Variants in WHRN observed in about 807,000 individuals in gnomAD.
WHRN encodes CASK-interacting protein CIP98.
A neutral mutation model predicts 68.3 loss-of-function variants in WHRN; 41 were observed. That is an observed-to-expected ratio of 0.60 (90% CI 0.47 to 0.78). WHRN has a LOEUF of 0.78. Ranked by LOEUF, WHRN falls within the 30% of genes least tolerant of loss-of-function variation. WHRN has a pLI of 0.00. For missense variants in WHRN, 1,243 were observed against 1,244.7 expected, an observed-to-expected ratio of 1.00 and a Z score of 0.02; for synonymous variants, 560 against 561.3, an observed-to-expected ratio of 1.00 and a Z score of 0.03.
chr9:114,447,941 C>T (rs1838979424), intron 3 of WHRN, among the ~76,000 whole-genome samples: 1 of 152,170 alleles, frequency 6.6e-6, no homozygotes, highest in East Asian at 1.9e-4. Context: ...CTCTCAGGCT[C>T]CATCCCAAAT....
intron 3 of WHRN, among the ~76,000 whole-genome samples, chr9:114,465,299 C>T (rs371290046): frequency 6.6e-6 from 1 of 152,168 alleles, no homozygotes; most frequent in East Asian, 1.9e-4. Context: ...CAAGGAAGGC[C>T]CTTTGTTACA....
rs118187035 is a variant in WHRN, at chr9:114,440,585, A to G, written c.964-14172T>C. Among the ~76,000 whole-genome samples, 321 of 152,356 alleles carry G rather than the reference A, an allele frequency of 2.1e-3. 9 individuals are homozygous for G. In the South Asian group the frequency reaches 0.034, roughly 16 times the overall value. On this transcript the variant is annotated intron_variant, in intron 3 of 11. Coordinates refer to ENST00000362057, the MANE Select transcript of WHRN (RefSeq NM_015404.4). ...AAAACTTACATACACAAACCCTTGCAGATAATACATGGCACCATTCACAGT... is the reference window on the plus strand; with the variant it reads ...AAAACTTACATACACAAACCCTTGCGGATAATACATGGCACCATTCACAGT...
intron 2 of WHRN, among the ~76,000 whole-genome samples, chr9:114,468,873 G>C (rs1840947153): frequency 6.6e-6 from 1 of 152,174 alleles, no homozygotes; most frequent in Non-Finnish European, 1.5e-5. Flanking sequence ...AGGGCACCTG[G>C]GTTCAAGGCC....
At chr9:114,501,473 T>C (rs1843915684) in intron 1 of WHRN, among the ~76,000 whole-genome samples, 1 of 152,076 alleles carries the variant, frequency 6.6e-6, no homozygotes, top group African/African-American at 2.4e-5. Context: ...ACCCACTCTT[T>C]AAAAAGCTGC....
At chr9:114,428,975 G>C (rs1041634933) in intron 3 of WHRN, among the ~76,000 whole-genome samples, 14 of 151,842 alleles carry the variant, frequency 9.2e-5, no homozygotes, top group African/African-American at 2.9e-4. Flanking sequence ...CTGTTGCCCA[G>C]GCTAGAGTGT....
At chr9:114,470,102 A>G (rs1841079349) in intron 2 of WHRN, among the ~76,000 whole-genome samples, 1 of 152,242 alleles carries the variant, frequency 6.6e-6, no homozygotes, top group Non-Finnish European at 1.5e-5. Context: ...CTTTTGCTAT[A>G]TAAGGGTTCC....
At chr9:114,477,203 A>C (rs1841725006) in intron 2 of WHRN, among the ~76,000 whole-genome samples, 5 of 152,208 alleles carry the variant, frequency 3.3e-5, no homozygotes, top group Admixed American at 3.3e-4. Flanking sequence ...CACAAAACAC[A>C]TTAAATAAAT....
intron 1 of WHRN, among the ~76,000 whole-genome samples, chr9:114,497,648 G>A (rs1222268920): frequency 6.6e-6 from 1 of 152,180 alleles, no homozygotes; most frequent in African/African-American, 2.4e-5. Context: ...ACACAATCAG[G>A]CTGCTGAAAT....
intron 1 of WHRN, among the ~76,000 whole-genome samples, chr9:114,498,953 C>T (rs1342608890): frequency 6.6e-6 from 1 of 152,058 alleles, no homozygotes; most frequent in East Asian, 1.9e-4. Flanking sequence ...AACAGGCTTC[C>T]AATAAAGTAA....
intron 2 of WHRN, among the ~76,000 whole-genome samples, chr9:114,469,489 C>T: frequency 6.6e-6 from 1 of 152,212 alleles, no homozygotes; most frequent in Non-Finnish European, 1.5e-5. Context: ...CAAGAACTGC[C>T]CTAGGCCAAG....
chr9:114,433,203 G>A (rs947906538), intron 3 of WHRN, among the ~76,000 whole-genome samples: 1 of 152,216 alleles, frequency 6.6e-6, no homozygotes, highest in Non-Finnish European at 1.5e-5. Context: ...CATGCACTCA[G>A]TAGGTGCTGT....
chr9:114,459,336 C>G (rs777945698), intron 3 of WHRN, among the ~76,000 whole-genome samples: 23 of 151,758 alleles, frequency 1.5e-4, no homozygotes, highest in Non-Finnish European at 2.9e-4. Flanking sequence ...TGGTAGCAGG[C>G]ACCTGTAATC....
At chr9:114,426,505 C>G (rs1217941098) in intron 3 of WHRN, 92 bp from the exon 4 acceptor site, 4 of 1,470,954 alleles carry the variant, frequency 2.7e-6, no homozygotes, top group Non-Finnish European at 3.8e-6. Context: ...CTCCTCTGGG[C>G]CAGCCTGTCA....
intron 3 of WHRN, among the ~76,000 whole-genome samples, chr9:114,440,197 G>C (rs1352849041): frequency 1.3e-5 from 2 of 151,746 alleles, no homozygotes; most frequent in Admixed American, 1.3e-4. Context: ...ACAGCCGTGA[G>C]CCACTGCACC....
chr9:114,504,764 G>A lies in WHRN; in HGVS notation c.38C>T (p.Ser13Phe). ...CGCCGAGCCCAGCGAGCCGGTGGAG[G>A]ACGAGCTCACCGACAGGCCGTCCAG... ...APLDGLSVSSSSTGSLGSAAG... is the reference protein window; with the variant it reads ...APLDGLSVSSFSTGSLGSAAG... Residue 13 changes from serine to phenylalanine, a missense_variant, in exon 1 of 12, where the codon TCC becomes TTC. Coordinates refer to ENST00000362057, the MANE Select transcript of WHRN (RefSeq NM_015404.4). The A allele has an allele frequency of 6.7e-7, 1 of 1,501,898 alleles. No homozygotes were observed. Among genetic ancestry groups the A allele is most frequent in the Non-Finnish European group, 8.8e-7 (1 of 1,135,834 alleles). 93.0% of individuals were successfully genotyped at this position (1,501,898 alleles called of 1,614,324 possible).
intron 8 of WHRN, 126 bp downstream of exon 8, chr9:114,407,821 T>C: frequency 1.3e-6 from 1 of 779,488 alleles, no homozygotes; most frequent in East Asian, 2.7e-5. Flanking sequence ...TGAGAGCTCA[T>C]GGCAGAGGCC....
chr9:114,505,394 C>G lies in WHRN; in HGVS notation c.-593G>C, dbSNP rs1357434650. On this transcript the variant is annotated 5_prime_UTR_variant, in exon 1 of 12. Coordinates refer to ENST00000362057, the MANE Select transcript of WHRN (RefSeq NM_015404.4). ...CCGGGGCAGCCCCGGGATGCAGCCG[C>G]CCGGGGAGCCTCCGCGCCTCTGCGC... The G allele has an allele frequency of 1.5e-5, 2 of 134,270 alleles. No homozygotes were observed. Among genetic ancestry groups the G allele is most frequent in the African/African-American group, 5.2e-5 (2 of 38,426 alleles). The allele number at this position is 134,270 out of a possible 1,614,324, so 8.3% of individuals were successfully genotyped here. A position where few individuals can be genotyped will look rare whatever the true frequency, so the allele number is the denominator to read the frequency against.
At chr9:114,481,232 C>A (rs1842070531) in intron 1 of WHRN, among the ~76,000 whole-genome samples, 1 of 152,190 alleles carries the variant, frequency 6.6e-6, no homozygotes, top group Non-Finnish European at 1.5e-5. Context: ...CCTCTCTCAG[C>A]AGAGGAAGGG....
chr9:114,461,839 T>C (rs1840272014), intron 3 of WHRN, among the ~76,000 whole-genome samples: 1 of 152,244 alleles, frequency 6.6e-6, no homozygotes, highest in South Asian at 2.1e-4. Context: ...ATTACAATTG[T>C]AACTAAATAC....
Sources: allele counts gnomAD v4.1 joint callset (sites outside exome capture counted in the v4.1 genomes callset), GRCh38; gene constraint gnomAD v4.1.1; transcripts MANE v1.5; gene names NCBI Gene and HGNC (gene_info 2026-07-23, HGNC 2026-07-21).